MAGI2: variants seen among roughly 807,000 people sequenced by gnomAD.
The protein encoded by MAGI2 is membrane-associated guanylate kinase, WW and PDZ domain-containing protein 2.
A neutral mutation model predicts 133.3 loss-of-function variants in MAGI2; 35 were observed. The observed-to-expected ratio is 0.26, with a 90% CI of 0.20 to 0.35. The LOEUF (loss-of-function observed/expected upper bound fraction) is 0.35, where lower values mean the gene tolerates loss of function less well. Among genes scored for constraint, MAGI2 ranks in the 10% least tolerant of loss-of-function variants. The pLI is 1.00. For missense variants in MAGI2, 1,636 were observed against 1,863.4 expected (o/e 0.88, Z 2.25); for synonymous variants, 729 against 710.6 (o/e 1.03, Z -0.41).
chr7:78,307,012 G>A (rs191840474), intron 9 of MAGI2, among the ~76,000 whole-genome samples: 1 of 151,982 alleles, frequency 6.6e-6, no homozygotes, highest in Non-Finnish European at 1.5e-5. Flanking sequence ...ATATACCCTG[G>A]AAAATTAAAT....
At chr7:79,375,694 T>G (rs1237688256) in intron 1 of MAGI2, among the ~76,000 whole-genome samples, 1 of 151,844 alleles carries the variant, frequency 6.6e-6, no homozygotes, top group East Asian at 1.9e-4. Context: ...CTGCACTGAC[T>G]ACAAGAAACA....
chr7:78,146,131 T>G (rs1016031395), intron 16 of MAGI2, among the ~76,000 whole-genome samples: 2 of 152,142 alleles, frequency 1.3e-5, no homozygotes, highest in African/African-American at 4.8e-5. Flanking sequence ...ACATAAAAAT[T>G]TCATGGTTGT....
chr7:78,457,509 C>T (rs1181825388), intron 6 of MAGI2, among the ~76,000 whole-genome samples: 1 of 152,026 alleles, frequency 6.6e-6, no homozygotes, highest in Non-Finnish European at 1.5e-5. Flanking sequence ...CTACTGAGGT[C>T]CTTCTGAGGA....
At chr7:79,309,116 T>G (rs1838050408) in intron 1 of MAGI2, among the ~76,000 whole-genome samples, 1 of 152,032 alleles carries the variant, frequency 6.6e-6, no homozygotes, top group Non-Finnish European at 1.5e-5. Flanking sequence ...TACAATTTCC[T>G]TGCAATAATC....
chr7:78,434,892 T>A (rs1800132620), intron 6 of MAGI2, among the ~76,000 whole-genome samples: 1 of 152,146 alleles, frequency 6.6e-6, no homozygotes, highest in Admixed American at 6.6e-5. Context: ...CTCCATCCTA[T>A]GAGGGAGTTG....
chr7:79,263,358 C>T (rs1283449856), intron 1 of MAGI2, among the ~76,000 whole-genome samples: 2 of 152,016 alleles, frequency 1.3e-5, no homozygotes, highest in Non-Finnish European at 2.9e-5. Flanking sequence ...AACAGTTACT[C>T]TTAGTTGCCT....
At chr7:78,117,169 T>C (rs993790230) in intron 20 of MAGI2, among the ~76,000 whole-genome samples, 10 of 151,864 alleles carry the variant, frequency 6.6e-5, no homozygotes, top group African/African-American at 2.2e-4. Flanking sequence ...AAAAGGATTA[T>C]TCTATTTCTC....
chr7:78,394,931 C>CT (rs1291078069), intron 6 of MAGI2, among the ~76,000 whole-genome samples: 4 of 152,172 alleles, frequency 2.6e-5, no homozygotes, highest in Admixed American at 6.6e-5. Context: ...ACAAGGAGTT[C>CT]TTTTTTCACA....
In MAGI2 at chr7:78,207,478, A is replaced by G. The variant is rs140737244; in HGVS notation, c.2048-6285T>C. On this transcript the variant is annotated intron_variant, in intron 10 of 21. Coordinates refer to ENST00000354212, the MANE Select transcript of MAGI2 (RefSeq NM_012301.4). ...CCTCCCATTCTCCCACAGCCTGGAAAACAGACCTAAGCTTTCCATCAAAAA... is the reference window on the plus strand; with the variant it reads ...CCTCCCATTCTCCCACAGCCTGGAAGACAGACCTAAGCTTTCCATCAAAAA... Among the ~76,000 whole-genome samples, 4 of 152,336 alleles carry G rather than the reference A, an allele frequency of 2.6e-5. No individual in the cohort carries two copies. In the East Asian group the frequency reaches 5.8e-4, roughly 22 times the overall value.
chr7:78,401,909 A>G (rs1236312489), intron 6 of MAGI2, among the ~76,000 whole-genome samples: 1 of 149,998 alleles, frequency 6.7e-6, no homozygotes, highest in African/African-American at 2.5e-5. Context: ...CCTCCTTCCC[A>G]GATAACAGGT....
chr7:78,420,054 C>A (rs766960734), intron 6 of MAGI2, among the ~76,000 whole-genome samples: 4 of 152,118 alleles, frequency 2.6e-5, no homozygotes, highest in Admixed American at 6.6e-5. Flanking sequence ...ATTATTCAAA[C>A]CTTTTTGAGT....
intron 6 of MAGI2, among the ~76,000 whole-genome samples, chr7:78,385,427 T>C (rs1024949309): frequency 6.6e-6 from 1 of 152,192 alleles, no homozygotes; most frequent in African/African-American, 2.4e-5. Flanking sequence ...AGTTGAGAGA[T>C]AAGGCAGGAA....
chr7:78,759,637 G>C (rs76625642), intron 2 of MAGI2, among the ~76,000 whole-genome samples: 1,768 of 152,182 alleles, frequency 0.012, 44 homozygotes, highest in African/African-American at 0.041. Flanking sequence ...AAAGAATGAT[G>C]CTAATATAAA....
At chr7:79,179,721 T>C (rs1159450369) in intron 1 of MAGI2, among the ~76,000 whole-genome samples, 1 of 151,976 alleles carries the variant, frequency 6.6e-6, no homozygotes, top group African/African-American at 2.4e-5. Flanking sequence ...TAGACAGTTA[T>C]ATGCAGAAGA....
At chr7:78,462,832 C>T (rs1790204874) in intron 6 of MAGI2, among the ~76,000 whole-genome samples, 1 of 152,190 alleles carries the variant, frequency 6.6e-6, no homozygotes, top group African/African-American at 2.4e-5. Flanking sequence ...CCTTGACAAA[C>T]CCGCGTGGTT....
At chr7:79,259,785 T>C (rs1221531069) in intron 1 of MAGI2, among the ~76,000 whole-genome samples, 1 of 152,230 alleles carries the variant, frequency 6.6e-6, no homozygotes, top group Non-Finnish European at 1.5e-5. Context: ...CAATATTTAT[T>C]ATTTGTTTGA....
intron 3 of MAGI2, among the ~76,000 whole-genome samples, chr7:78,612,003 CTGTTATTT>C (rs1806502299): frequency 1.3e-5 from 2 of 152,152 alleles, no homozygotes; most frequent in African/African-American, 4.8e-5. Flanking sequence ...TTTGATACCA[CTGTTATTT>C]TGTTATTTTG....
rs539556812 is a variant in MAGI2 at position 79,131,477 on chromosome 7, A to G, written c.302-124271T>C. Among the ~76,000 whole-genome samples, 96 of 152,304 alleles carry G rather than the reference A, an allele frequency of 6.3e-4. 2 individuals are homozygous for G. The South Asian group carries it at 0.019, about 30-fold the overall frequency. On this transcript the variant is annotated intron_variant, in intron 1 of 21. Transcript: ENST00000354212. ...AAGAGTGCTGGATTCCTTATTAAGT[A>G]CTTTGACATTCATTATTTTGTGGGA...
At chr7:78,605,895 C>T (rs1378448875) in intron 3 of MAGI2, among the ~76,000 whole-genome samples, 10 of 152,048 alleles carry the variant, frequency 6.6e-5, no homozygotes, top group African/African-American at 2.4e-5. Flanking sequence ...TGATTAGATT[C>T]GGACACTAGA....
Sources: allele counts gnomAD v4.1 joint callset (sites outside exome capture counted in the v4.1 genomes callset), GRCh38; gene constraint gnomAD v4.1.1; transcripts MANE v1.5; gene names NCBI Gene and HGNC (gene_info 2026-07-23, HGNC 2026-07-21).